The following BSPRY variants were observed in gnomAD, a reference collection of about 807,000 sequenced individuals.
BSPRY encodes B-box and SPRY domain containing.
Under a neutral mutation model 38.0 loss-of-function variants are expected in BSPRY, and 33 were observed. The ratio of observed to expected loss-of-function variants is 0.87; its 90% CI spans 0.66 to 1.16. The LOEUF (loss-of-function observed/expected upper bound fraction) is 1.16. Ranked by LOEUF, BSPRY falls within the 50% of genes most tolerant of loss-of-function variation. BSPRY has a pLI of 0.00. For synonymous variants in BSPRY, 224 were observed against 228.5 expected (o/e 0.98, Z 0.18); for missense variants, 523 against 533.2 (o/e 0.98, Z 0.19).
Position 113,354,475 on chromosome 9 carries a change from G to T in BSPRY, c.300+137G>T, listed in dbSNP as rs1053292835. ...CTAGCAAAGCTTCTCATCCCTCAGAGACTCAATTTTACCATCTGGGCAGGG... is the reference window on the plus strand; with the variant it reads ...CTAGCAAAGCTTCTCATCCCTCAGATACTCAATTTTACCATCTGGGCAGGG... On this transcript the variant is annotated intron_variant, in intron 2 of 5. Transcript: ENST00000374183. The T allele has an allele frequency of 1.2e-5, 8 of 679,020 alleles. No homozygotes were observed. In the African/African-American group the frequency reaches 1.4e-4, roughly 12 times the overall value. The allele number at this position is 679,020 out of a possible 1,614,324, so 42.1% of individuals were successfully genotyped here. A position where few individuals can be genotyped will look rare whatever the true frequency, so the allele number is the denominator to read the frequency against.
chr9:113,369,758 C>G lies in BSPRY; in HGVS notation c.825C>G (p.Ala275=), dbSNP rs1285527684. 6.2e-7 allele frequency: 1 copy of G among 1,614,118 alleles called. No homozygotes were observed. Among genetic ancestry groups the G allele is most frequent in the Non-Finnish European group, 8.5e-7 (1 of 1,180,040 alleles). ...AGCGCTTCGACCACTGGCCCAATGC[C>G]CTGGCTGCCACCTCCTTCCAGAATG... ...GPERFDHWPN[A]LAATSFQNGL... is the part of the protein sequence containing the mutation. Residue 275 remains alanine (A), a synonymous_variant, in exon 6 of 6, where the codon GCC becomes GCG. Transcript: ENST00000374183.
chr9:113,367,178 C>G (rs1834266272), intron 4 of BSPRY, among the ~76,000 whole-genome samples: 3 of 152,172 alleles, frequency 2.0e-5, no homozygotes. Flanking sequence ...CTTTTTAGCT[C>G]TGAATCTGTT....
intron 2 of BSPRY, among the ~76,000 whole-genome samples, chr9:113,359,860 C>T (rs546870238): frequency 6.6e-6 from 1 of 151,080 alleles, no homozygotes; most frequent in Non-Finnish European, 1.5e-5. Flanking sequence ...CATGGTGAAA[C>T]TCCATCTCTA....
At chr9:113,368,671 A>G (rs1399513364) in intron 5 of BSPRY, among the ~76,000 whole-genome samples, 2 of 152,188 alleles carry the variant, frequency 1.3e-5, no homozygotes, top group Non-Finnish European at 1.5e-5. Flanking sequence ...GCAGCCCAGT[A>G]TTATTTATTG....
chr9:113,357,630 AG>A (rs1834080882), intron 2 of BSPRY, among the ~76,000 whole-genome samples: 1 of 152,070 alleles, frequency 6.6e-6, no homozygotes, highest in Non-Finnish European at 1.5e-5. Context: ...AAGTTGCCAC[AG>A]GTTTGACTGT....
intron 4 of BSPRY, among the ~76,000 whole-genome samples, chr9:113,364,151 A>G (rs1834205923): frequency 6.6e-6 from 1 of 152,164 alleles, no homozygotes; most frequent in African/African-American, 2.4e-5. Flanking sequence ...CTGCCACTGC[A>G]CTCCAGACTG....
At chr9:113,363,304 T>G (rs1208916215) in intron 4 of BSPRY, among the ~76,000 whole-genome samples, 1 of 152,014 alleles carries the variant, frequency 6.6e-6, no homozygotes, top group Non-Finnish European at 1.5e-5. Context: ...TAGCCATGCT[T>G]CGTGCTGAGA....
At chr9:113,368,154 C>T (rs923390738) in intron 4 of BSPRY, 105 bp from the exon 5 acceptor site, 23 of 1,432,708 alleles carry the variant, frequency 1.6e-5, no homozygotes, top group Non-Finnish European at 2.0e-5. Context: ...ATCTTGGTAT[C>T]GCCTGATAGG....
intron 4 of BSPRY, among the ~76,000 whole-genome samples, chr9:113,364,462 A>C (rs2118925446): frequency 6.6e-6 from 1 of 152,196 alleles, no homozygotes; most frequent in East Asian, 1.9e-4. Flanking sequence ...CCTTTAATAC[A>C]GTGTGTCCTT....
In BSPRY at chr9:113,360,422, C is replaced by T. The variant is rs1349208791; in HGVS notation, c.301-85C>T. 6.8e-5 allele frequency: 87 copies of T among 1,283,672 alleles called. No individual in the cohort carries two copies. The Middle Eastern group carries it at 1.0e-3, about 15-fold the overall frequency. The allele number at this position is 1,283,672 out of a possible 1,614,324, so 79.5% of individuals were successfully genotyped here. On this transcript the variant is annotated intron_variant, in intron 2 of 5. Coordinates refer to ENST00000374183, the MANE Select transcript of BSPRY (RefSeq NM_017688.3). ...CAGACATTGCTAATCAATCTCAACA[C>T]TCCTTTCCACTGAGCCTAAACCCTC...
In BSPRY at chr9:113,364,828, T is replaced by C. The variant is rs1019903418; in HGVS notation, c.557+2434T>C. Among the ~76,000 whole-genome samples, 4 of 152,322 alleles carry C rather than the reference T, an allele frequency of 2.6e-5. No homozygotes were observed. In the East Asian group the frequency reaches 7.7e-4, roughly 29 times the overall value. ...AGGAAATTTAACATTGATATAATAC[T>C]ATAATCTAATACACAGTCCATATCC... On this transcript the variant is annotated intron_variant, in intron 4 of 5. Coordinates refer to ENST00000374183, the MANE Select transcript of BSPRY (RefSeq NM_017688.3).
chr9:113,365,764 T>C (rs1319953202), intron 4 of BSPRY, among the ~76,000 whole-genome samples: 3 of 139,846 alleles, frequency 2.1e-5, no homozygotes, highest in Non-Finnish European at 4.8e-5. Flanking sequence ...TGTGTGTGTG[T>C]GTGTAGCTGT....
intron 3 of BSPRY, 45 bp from the exon 4 acceptor site, chr9:113,362,324 C>A (rs765182344): frequency 6.2e-7 from 1 of 1,612,166 alleles, no homozygotes; most frequent in Non-Finnish European, 8.5e-7. Flanking sequence ...TGACTCCCTG[C>A]TGGGTATCTG....
intron 1 of BSPRY, 56 bp downstream of exon 1, chr9:113,349,836 G>A (rs940040631): frequency 2.5e-6 from 3 of 1,207,818 alleles, no homozygotes; most frequent in African/African-American, 3.2e-5. Context: ...GGCGCGCCTG[G>A]CGGGACCCGG....
chr9:113,370,348 G>C lies in BSPRY; in HGVS notation c.*206G>C. On this transcript the variant is annotated 3_prime_UTR_variant, in exon 6 of 6. Transcript: ENST00000374183. The surrounding 1 kb of genome is among the most constrained non-coding windows in gnomAD (Gnocchi z 4.8). ...GGTGTCCAAACTTTTGGCTTCCCTG[G>C]GCCACATTTGAAGAAGAATTTTCTT... The C allele has an allele frequency of 2.1e-6, 1 of 468,488 alleles. No homozygotes were observed. Among genetic ancestry groups the C allele is most frequent in the Non-Finnish European group, 3.5e-6 (1 of 283,282 alleles). 29.0% of individuals were successfully genotyped at this position (468,488 alleles called of 1,614,324 possible). A position where few individuals can be genotyped will look rare whatever the true frequency, so the allele number is the denominator to read the frequency against.
At chr9:113,366,218 A>G (rs1315844280) in intron 4 of BSPRY, among the ~76,000 whole-genome samples, 3 of 152,178 alleles carry the variant, frequency 2.0e-5, no homozygotes, top group South Asian at 4.1e-4. Context: ...CCCCAACAAC[A>G]TCAGTATTTG....
In BSPRY at chr9:113,369,675, G is replaced by A. The variant is rs1834308606; in HGVS notation, c.742G>A (p.Asp248Asn). The A allele has an allele frequency of 1.2e-6, 2 of 1,614,108 alleles. No individual in the cohort carries two copies. The highest frequency in any genetic ancestry group is 1.7e-5 in the Admixed American group (1 of 60,002). ...TVSPFLQLSD[D>N]RKTLTFSTKK... ...CAGCCCCTTCCTGCAATTGTCAGAT[G>A]ATCGAAAGACCCTGACCTTCAGCAC... Residue 248 changes from aspartate to asparagine, a missense_variant, in exon 6 of 6, where the codon GAT becomes AAT. Coordinates refer to ENST00000374183, the MANE Select transcript of BSPRY (RefSeq NM_017688.3).
Position 113,360,588 on chromosome 9 carries a change from T to A in BSPRY, c.382T>A (p.Leu128Ile). 1 of 1,609,230 alleles carries A rather than the reference T, an allele frequency of 6.2e-7. No homozygotes were observed. ...TCTTTGCGAGAGCGAGGAGCAGCGG[T>A]TACTGGAACAGGTGCATGGCGAAGA... is the stretch of plus-strand genomic sequence containing the variant. The part of the protein sequence containing the change: ...RSLCESEEQR[L>I]LEQVHGEEER... The change falls in exon 3 of 6, where the codon TTA becomes ATA. Residue 128 changes from leucine (L) to isoleucine (I), a missense_variant. Leu to Ile is a conservative substitution (Grantham distance 5, BLOSUM62 2). Coordinates refer to ENST00000374183, the MANE Select transcript of BSPRY (RefSeq NM_017688.3).
intron 1 of BSPRY, among the ~76,000 whole-genome samples, chr9:113,353,093 T>C (rs1009486065): frequency 6.6e-6 from 1 of 152,116 alleles, no homozygotes; most frequent in Non-Finnish European, 1.5e-5. Flanking sequence ...CGCCAGAAAG[T>C]GGTTATAACG....
Sources: allele counts gnomAD v4.1 joint callset (sites outside exome capture counted in the v4.1 genomes callset), GRCh38; gene constraint gnomAD v4.1.1; non-coding constraint Gnocchi (gnomAD v3.1); transcripts MANE v1.5; gene names NCBI Gene and HGNC (gene_info 2026-07-23, HGNC 2026-07-21).